The following EYS variants were observed in gnomAD, a reference collection of about 807,000 sequenced individuals.
EYS encodes the protein protein eyes shut homolog.
In EYS, 250 loss-of-function variants were observed where a neutral mutation model predicts 282.1. The ratio of observed to expected loss-of-function variants is 0.89; its 90% CI spans 0.80 to 0.98. EYS has a LOEUF of 0.98. EYS is among the 50% of genes least tolerant of loss of function. The probability of loss-of-function intolerance (pLI) is 0.00; values close to 1 mark genes in which losing one functional copy is unlikely to be tolerated. For missense variants in EYS, 4,016 were observed against 3,709.0 expected (o/e 1.08, Z -2.15); for synonymous variants, 1,355 against 1,282.9 (o/e 1.06, Z -1.20).
intron 2 of EYS, among the ~76,000 whole-genome samples, chr6:65,556,545 A>C (rs979166881): frequency 2.0e-5 from 3 of 152,170 alleles, no homozygotes; most frequent in Non-Finnish European, 4.4e-5. Flanking sequence ...CAGAGAAAGA[A>C]TCTTGAGGAA....
At chr6:65,095,937 T>A (rs1774726554) in intron 12 of EYS, among the ~76,000 whole-genome samples, 1 of 151,052 alleles carries the variant, frequency 6.6e-6, no homozygotes. Context: ...GTACTAAATG[T>A]TCTAGCCAGA....
At chr6:65,698,418 A>C (rs1769537312) in intron 1 of EYS, among the ~76,000 whole-genome samples, 1 of 152,186 alleles carries the variant, frequency 6.6e-6, no homozygotes, top group Non-Finnish European at 1.5e-5. Context: ...CATCGATTAA[A>C]TATGAACTAC....
chr6:64,045,910 T>TAA, intron 33 of EYS, among the ~76,000 whole-genome samples: 2 of 147,006 alleles, frequency 1.4e-5, no homozygotes, highest in Non-Finnish European at 3.0e-5. Flanking sequence ...TACATATATG[T>TAA]TTATTATATA....
At chr6:63,881,261 G>T (rs1773124472) in intron 35 of EYS, among the ~76,000 whole-genome samples, 1 of 152,130 alleles carries the variant, frequency 6.6e-6, no homozygotes, top group Admixed American at 6.6e-5. Context: ...TCTGCAGGAA[G>T]CAATTCCTAA....
chr6:64,037,598 G>T (rs934797652), intron 33 of EYS, among the ~76,000 whole-genome samples: 1 of 152,118 alleles, frequency 6.6e-6, no homozygotes. Flanking sequence ...AGGGAATGAG[G>T]TTTTGAATAA....
At chr6:64,720,603 C>T (rs932163387) in intron 22 of EYS, among the ~76,000 whole-genome samples, 16 of 152,264 alleles carry the variant, frequency 1.1e-4, no homozygotes, top group African/African-American at 3.6e-4. Context: ...CCTAGAGTCT[C>T]TTTTTGCTTC....
chr6:64,145,157 T>C lies in EYS; in HGVS notation c.6425-63155A>G, dbSNP rs562503711. Among the ~76,000 whole-genome samples the C allele has an allele frequency of 2.0e-5, 3 of 152,338 alleles. No individual in the cohort carries two copies. The East Asian group carries it at 5.8e-4, about 29-fold the overall frequency. ...GAATGTTGTTACCTTTAGACTAATA[T>C]AGTTCCTTGCCTTTTAATTTTCTTT... On this transcript the variant is annotated intron_variant, in intron 31 of 42. Coordinates refer to ENST00000503581, the MANE Select transcript of EYS (RefSeq NM_001142800.2).
intron 35 of EYS, among the ~76,000 whole-genome samples, chr6:63,972,040 G>T (rs1464800175): frequency 1.3e-5 from 2 of 152,102 alleles, no homozygotes; most frequent in East Asian, 3.9e-4. Flanking sequence ...TATATCATTT[G>T]TTATAGAATT....
chr6:65,388,377 C>A (rs1765879387), intron 7 of EYS, among the ~76,000 whole-genome samples: 1 of 151,646 alleles, frequency 6.6e-6, no homozygotes, highest in Non-Finnish European at 1.5e-5. Flanking sequence ...GGGAGAGGTG[C>A]TATATAATTA....
At chr6:65,540,353 A>C (rs1029219016) in intron 2 of EYS, among the ~76,000 whole-genome samples, 10 of 152,202 alleles carry the variant, frequency 6.6e-5, no homozygotes, top group Non-Finnish European at 1.5e-4. Flanking sequence ...ATCAAAATTC[A>C]GAGCTGATGC....
chr6:65,521,060 C>T lies in EYS; in HGVS notation c.-332-25067G>A, dbSNP rs537614485. ...ACCAAAAAATTATTACAATTTCTATCATTCTGAACAAGTTTATATGGATGC... is the reference window on the plus strand; with the variant it reads ...ACCAAAAAATTATTACAATTTCTATTATTCTGAACAAGTTTATATGGATGC... On this transcript the variant is annotated intron_variant, in intron 2 of 42. Coordinates refer to ENST00000503581, the MANE Select transcript of EYS (RefSeq NM_001142800.2). Among the ~76,000 whole-genome samples the T allele has an allele frequency of 3.3e-5, 5 of 152,244 alleles. No individual in the cohort carries two copies. The East Asian group carries it at 9.6e-4, about 29-fold the overall frequency.
intron 22 of EYS, among the ~76,000 whole-genome samples, chr6:64,722,356 A>G (rs1009978704): frequency 6.6e-6 from 1 of 152,168 alleles, no homozygotes; most frequent in African/African-American, 2.4e-5. Flanking sequence ...CAGCTGATAC[A>G]TAGTTAATTT....
chr6:64,330,530 A>T (rs1412144423), intron 29 of EYS, among the ~76,000 whole-genome samples: 1 of 152,164 alleles, frequency 6.6e-6, no homozygotes, highest in Non-Finnish European at 1.5e-5. Flanking sequence ...AGGCCTTTTT[A>T]CCTGTATGTC....
intron 1 of EYS, among the ~76,000 whole-genome samples, chr6:65,649,927 C>A (rs1767592565): frequency 6.6e-6 from 1 of 151,906 alleles, no homozygotes; most frequent in African/African-American, 2.4e-5. Context: ...AATAAAATTT[C>A]ATTAAAAATG....
intron 9 of EYS, 99 bp downstream of exon 9, chr6:65,353,359 T>G: frequency 2.6e-5 from 26 of 1,013,926 alleles, no homozygotes; most frequent in Non-Finnish European, 3.9e-5. Flanking sequence ...TATTACGTTT[T>G]GAGATATAAA....
intron 22 of EYS, among the ~76,000 whole-genome samples, chr6:64,703,556 C>A: frequency 6.7e-6 from 1 of 149,948 alleles, no homozygotes; most frequent in Non-Finnish European, 1.5e-5. Context: ...CCTCAGCCTC[C>A]CGATTAGCTG....
chr6:65,387,200 T>A lies in EYS; in HGVS notation c.1185-2700A>T, dbSNP rs1464451076. Among the ~76,000 whole-genome samples, 6 of 152,058 alleles carry A rather than the reference T, an allele frequency of 3.9e-5. No individual in the cohort carries two copies. The East Asian group carries it at 1.2e-3, about 29-fold the overall frequency. On this transcript the variant is annotated intron_variant, in intron 7 of 42. Coordinates refer to ENST00000503581, the MANE Select transcript of EYS (RefSeq NM_001142800.2). ...TCTTGGACATAGCATTCCAAACTTG[T>A]CCAGTGACCTATGGAATGCACACTA...
At chr6:64,552,377 T>C (rs1187553965) in intron 26 of EYS, among the ~76,000 whole-genome samples, 1 of 152,192 alleles carries the variant, frequency 6.6e-6, no homozygotes, top group Non-Finnish European at 1.5e-5. Flanking sequence ...CTACATTCTG[T>C]AGAGAATCCT....
intron 30 of EYS, among the ~76,000 whole-genome samples, chr6:64,233,405 A>G (rs896281880): frequency 1.3e-5 from 2 of 152,216 alleles, no homozygotes; most frequent in African/African-American, 2.4e-5. Flanking sequence ...AATGTATTCA[A>G]TTTGTTATAT....
Sources: allele counts gnomAD v4.1 joint callset (sites outside exome capture counted in the v4.1 genomes callset), GRCh38; gene constraint gnomAD v4.1.1; transcripts MANE v1.5; gene names NCBI Gene and HGNC (gene_info 2026-07-23, HGNC 2026-07-21).